The following LAMB1 variants were observed in gnomAD, a reference collection of about 807,000 sequenced individuals.
LAMB1 encodes laminin subunit beta-1.
A neutral mutation model predicts 222.3 loss-of-function variants in LAMB1; 121 were observed. That is an observed-to-expected ratio of 0.54 (90% CI 0.47 to 0.63). The LOEUF (loss-of-function observed/expected upper bound fraction) is 0.63. Ranked by LOEUF, LAMB1 falls within the 30% of genes least tolerant of loss-of-function variation. LAMB1 has a pLI of 0.00. For missense variants in LAMB1, 2,172 were observed against 2,240.8 expected (o/e 0.97, Z 0.62); for synonymous variants, 794 against 807.2 (o/e 0.98, Z 0.28).
At position 107,970,733 on chromosome 7, in the gene LAMB1, A is replaced by AT. The variant is rs112356688; in HGVS notation, c.1562+2258dup. On this transcript the variant is annotated intron_variant, in intron 13 of 33. Coordinates refer to ENST00000222399, the MANE Select transcript of LAMB1 (RefSeq NM_002291.3). ...TTATTTAAATTAATTAGGTCTTATT[A>AT]TTTTTTTTTTTTCTTTGAGACAGAG... 1.9e-3 allele frequency among the ~76,000 whole-genome samples: 276 copies of AT among 145,974 alleles called. 1 individual carries two copies. Among genetic ancestry groups the AT allele is most frequent in the African/African-American group, 4.8e-3 (192 of 39,974 alleles).
intron 32 of LAMB1, 83 bp from the exon 33 acceptor site, chr7:107,924,472 T>G: frequency 9.1e-7 from 1 of 1,099,088 alleles, no homozygotes; most frequent in Non-Finnish European, 1.3e-6. Flanking sequence ...AATCATGGCA[T>G]GCATTCTGGA....
At chr7:107,971,566 G>A (rs1404744360) in intron 13 of LAMB1, among the ~76,000 whole-genome samples, 2 of 152,172 alleles carry the variant, frequency 1.3e-5, no homozygotes, top group African/African-American at 2.4e-5. Context: ...ATCTTTAAAT[G>A]TTCTTTTTTT....
chr7:108,002,631 G>A (rs1010871846), intron 2 of LAMB1, among the ~76,000 whole-genome samples: 2 of 152,218 alleles, frequency 1.3e-5, no homozygotes, highest in Admixed American at 6.5e-5. Context: ...CGGGGCTTGG[G>A]CGCAGAGCCC....
Position 107,923,820 on chromosome 7 carries a change from T to G in LAMB1, c.*131A>C. ...AAAATATATACAAAAGCACTGTACT[T>G]TATTTAACTCCATACAAAATGTGAT... On this transcript the variant is annotated 3_prime_UTR_variant, in exon 34 of 34. Transcript: ENST00000222399. 1 of 844,516 alleles carries G rather than the reference T, an allele frequency of 1.2e-6. No individual in the cohort carries two copies. The highest frequency in any genetic ancestry group is 1.8e-5 in the South Asian group (1 of 54,412). The allele number at this position is 844,516 out of a possible 1,614,324, so 52.3% of individuals were successfully genotyped here.
intron 3 of LAMB1, among the ~76,000 whole-genome samples, chr7:108,000,833 T>C (rs1216819569): frequency 6.6e-6 from 1 of 152,280 alleles, no homozygotes; most frequent in African/African-American, 2.4e-5. Context: ...TGGAGCCATT[T>C]TGCTCCCGGC....
At chr7:107,997,514 A>T (rs1438395148) in intron 4 of LAMB1, among the ~76,000 whole-genome samples, 1 of 152,244 alleles carries the variant, frequency 6.6e-6, no homozygotes, top group Non-Finnish European at 1.5e-5. Context: ...CTGCAGCGGC[A>T]TCCAAAGCCT....
intron 22 of LAMB1, among the ~76,000 whole-genome samples, chr7:107,952,659 A>G (rs1272125377): frequency 6.6e-6 from 1 of 152,216 alleles, no homozygotes; most frequent in Non-Finnish European, 1.5e-5. Context: ...CTTTTAAGGA[A>G]TCCAGTCCTG....
Position 107,964,661 on chromosome 7 carries a change from G to A in LAMB1, c.1589C>T (p.Ser530Leu), listed in dbSNP as rs1213834359. The A allele has an allele frequency of 3.1e-6, 5 of 1,614,144 alleles. No homozygotes were observed. The highest frequency in any genetic ancestry group is 4.2e-6 in the Non-Finnish European group (5 of 1,180,026). ...NSCFAESGQCSCRPHMIGRQC... is the reference protein window; with the variant it reads ...NSCFAESGQCLCRPHMIGRQC... ...ACGTCCAATCATGTGAGGCCGGCAT[G>A]AGCACTGGCCTGACTCCGCAAAGCA... Residue 530 changes from serine (S) to leucine (L), a missense_variant, in exon 14 of 34, where the codon TCA becomes TTA. Ser to Leu is a moderately radical substitution (Grantham distance 145, BLOSUM62 -2). Transcript: ENST00000222399.
At chr7:107,931,668 A>AC in intron 28 of LAMB1, 168 bp from the exon 29 acceptor site, 1 of 643,890 alleles carries the variant, frequency 1.6e-6, no homozygotes, top group Non-Finnish European at 2.7e-6. Flanking sequence ...ACAGACTGCA[A>AC]GTATTCAGTA....
chr7:107,986,565 A>G (rs2034081326), intron 5 of LAMB1, among the ~76,000 whole-genome samples: 1 of 152,172 alleles, frequency 6.6e-6, no homozygotes, highest in Non-Finnish European at 1.5e-5. Context: ...AACCTCTAAA[A>G]TGTATACTTT....
In LAMB1 at chr7:108,003,100, G is replaced by A. The variant is rs1212628652; in HGVS notation, c.-87+11C>T. The A allele has an allele frequency of 7.5e-6, 8 of 1,061,584 alleles. No homozygotes were observed. Among genetic ancestry groups the A allele is most frequent in the Non-Finnish European group, 1.0e-5 (8 of 769,198 alleles). The allele number at this position is 1,061,584 out of a possible 1,614,324, so 65.8% of individuals were successfully genotyped here. ...GTGGGGAAAATCGTGCAGCCACTTT[G>A]TTCTCCTCACCCGGCGACGCGAGCT... On this transcript the variant is annotated intron_variant, in intron 1 of 33. Coordinates refer to ENST00000222399, the MANE Select transcript of LAMB1 (RefSeq NM_002291.3).
At chr7:107,947,539 A>AAC (rs1278288801) in intron 24 of LAMB1, among the ~76,000 whole-genome samples, 1 of 152,152 alleles carries the variant, frequency 6.6e-6, no homozygotes. Flanking sequence ...GCACAAACAT[A>AAC]ACCAAGAGCC....
At position 107,961,597 on chromosome 7, in the gene LAMB1, G is replaced by C. The variant is rs151296677; in HGVS notation, c.1937C>G (p.Thr646Ser). Residue 646 changes from threonine (T) to serine (S), a missense_variant, in exon 16 of 34, where the codon ACC becomes AGC. Thr to Ser is a moderately conservative substitution (Grantham distance 58). Transcript: ENST00000222399. ...RIPTSSRCGN[T>S]IPDDDNQVVS... The stretch of plus-strand genomic sequence containing the variant: ...CACCTGGTTGTCATCATCGGGGATG[G>C]TATTACCACATCGGCTGCTGGTTGG... 3 of 1,613,954 alleles carry C rather than the reference G, an allele frequency of 1.9e-6. No homozygotes were observed. Among genetic ancestry groups the C allele is most frequent in the Non-Finnish European group, 2.5e-6 (3 of 1,179,964 alleles).
rs752281514 is a variant in LAMB1, at chr7:107,998,387, G to A, written c.319C>T (p.Arg107Cys). Reference sequence around the variant, plus strand: ...TCAGATTGCCACCAAATCTTAAGGCGGTTTGGAGCAAATGTAGTGACCACA... The same window carrying A: ...TCAGATTGCCACCAAATCTTAAGGCAGTTTGGAGCAAATGTAGTGACCACA... ...ENVVTTFAPN[R>C]LKIWWQSENG... The change falls in exon 4 of 34, where the codon CGC (arginine) becomes TGC (cysteine). Residue 107 changes from arginine (R) to cysteine (C), a missense_variant. Arg to Cys is a radical substitution (Grantham distance 180). Coordinates refer to ENST00000222399, the MANE Select transcript of LAMB1 (RefSeq NM_002291.3). The A allele has an allele frequency of 5.0e-6, 8 of 1,613,968 alleles. No homozygotes were observed. The highest frequency in any genetic ancestry group is 6.8e-6 in the Non-Finnish European group (8 of 1,179,960).
chr7:107,925,429 T>A (rs1451083703), intron 32 of LAMB1, among the ~76,000 whole-genome samples: 1 of 152,124 alleles, frequency 6.6e-6, no homozygotes, highest in Non-Finnish European at 1.5e-5. Flanking sequence ...ATCTAATGCC[T>A]GATCTGAGCT....
At chr7:107,928,178 C>T (rs542042911) in intron 31 of LAMB1, among the ~76,000 whole-genome samples, 4 of 152,266 alleles carry the variant, frequency 2.6e-5, no homozygotes, top group South Asian at 4.1e-4. Context: ...ATGAAAAATT[C>T]GTAATGAGTA....
Position 107,931,387 on chromosome 7 carries a change from A to G in LAMB1, c.4506T>C (p.Asn1502=). The change falls in exon 29 of 34, where the codon AAT becomes AAC. Residue 1502 remains asparagine (N), a synonymous_variant. Coordinates refer to ENST00000222399, the MANE Select transcript of LAMB1 (RefSeq NM_002291.3). ...AAAAGTTTCTGATTTGCTTGATTAGATTTCTCAGCTCCTCATTGCTCTTGT... is the reference window on the plus strand; with the variant it reads ...AAAAGTTTCTGATTTGCTTGATTAGGTTTCTCAGCTCCTCATTGCTCTTGT... The part of the protein sequence containing the change: ...KMDKSNEELR[N]LIKQIRNFLT... 6.2e-7 allele frequency: 1 copy of G among 1,613,320 alleles called. No homozygotes were observed. The highest frequency in any genetic ancestry group is 8.5e-7 in the Non-Finnish European group (1 of 1,179,396).
chr7:107,979,190 C>G (rs1208571660), intron 8 of LAMB1, among the ~76,000 whole-genome samples: 1 of 152,074 alleles, frequency 6.6e-6, no homozygotes, highest in Non-Finnish European at 1.5e-5. Flanking sequence ...CATAATCTAC[C>G]TAGCATTCTG....
chr7:107,966,426 G>C (rs1275162782), intron 13 of LAMB1, among the ~76,000 whole-genome samples: 1 of 151,984 alleles, frequency 6.6e-6, no homozygotes, highest in Non-Finnish European at 1.5e-5. Context: ...GGCCAGGCTG[G>C]TCTCAATCTC....
Sources: gnomAD v4.1 joint callset for allele counts (sites outside exome capture counted in the v4.1 genomes callset) on GRCh38, gnomAD v4.1.1 for gene constraint, MANE v1.5 for transcripts, NCBI Gene and HGNC (gene_info 2026-07-23, HGNC 2026-07-21) for gene names.